The following NEK11 variants were observed in gnomAD, a reference collection of about 807,000 sequenced individuals.
NEK11 encodes the protein serine/threonine-protein kinase Nek11.
NEK11 carries 72 observed loss-of-function variants against 80.7 expected under a neutral mutation model. That is an observed-to-expected ratio of 0.89 (90% confidence interval 0.74 to 1.08). NEK11 has a LOEUF of 1.08. Among genes scored for constraint, NEK11 ranks in the 50% least tolerant of loss-of-function variants. The pLI is 0.00. For synonymous variants in NEK11, 251 were observed against 260.7 expected (o/e 0.96, Z 0.36); for missense variants, 764 against 763.6 (o/e 1.00, Z -0.01).
intron 14 of NEK11, among the ~76,000 whole-genome samples, chr3:131,177,647 C>T: frequency 6.6e-6 from 1 of 152,184 alleles, no homozygotes; most frequent in East Asian, 1.9e-4. Context: ...TAGAACATAT[C>T]CTATGCTGCC....
intron 14 of NEK11, among the ~76,000 whole-genome samples, chr3:131,193,232 G>A (rs1029128348): frequency 1.3e-5 from 2 of 152,064 alleles, no homozygotes; most frequent in Non-Finnish European, 2.9e-5. Flanking sequence ...AGAAGGCAGT[G>A]GTAGTCTCAT....
At chr3:131,266,553 A>G (rs994854122) in intron 16 of NEK11, among the ~76,000 whole-genome samples, 1 of 152,188 alleles carries the variant, frequency 6.6e-6, no homozygotes, top group Non-Finnish European at 1.5e-5. Flanking sequence ...AATTGATTGC[A>G]CTGTGGTCTG....
At chr3:131,168,608 G>A (rs1305856052) in intron 12 of NEK11, among the ~76,000 whole-genome samples, 8 of 151,766 alleles carry the variant, frequency 5.3e-5, no homozygotes, top group African/African-American at 1.9e-4. Context: ...CGCCCGCCTC[G>A]GCCTCCCAAA....
At chr3:131,240,917 C>T (rs1196144685) in intron 15 of NEK11, among the ~76,000 whole-genome samples, 1 of 152,126 alleles carries the variant, frequency 6.6e-6, no homozygotes, top group East Asian at 1.9e-4. Context: ...TGACTTTCTC[C>T]TTTGAGATTG....
intron 17 of NEK11, among the ~76,000 whole-genome samples, chr3:131,326,969 G>T (rs573481409): frequency 6.6e-6 from 1 of 152,250 alleles, no homozygotes; most frequent in African/African-American, 2.4e-5. Flanking sequence ...GCCCGTCTAA[G>T]CTTTCTTCCC....
chr3:131,048,684 G>T (rs1356291832), intron 3 of NEK11, among the ~76,000 whole-genome samples: 1 of 152,194 alleles, frequency 6.6e-6, no homozygotes, highest in Non-Finnish European at 1.5e-5. Flanking sequence ...CAAAGGATCT[G>T]TGGATCCTCT....
chr3:131,035,540 C>T (rs761567335), intron 3 of NEK11, among the ~76,000 whole-genome samples: 1 of 152,162 alleles, frequency 6.6e-6, no homozygotes, highest in East Asian at 1.9e-4. Flanking sequence ...CAGCCACCAC[C>T]CTGGGGTCCA....
At chr3:131,332,676 A>G (rs1414255401) in intron 17 of NEK11, among the ~76,000 whole-genome samples, 1 of 152,162 alleles carries the variant, frequency 6.6e-6, no homozygotes, top group Non-Finnish European at 1.5e-5. Flanking sequence ...TCCGAGCTAC[A>G]GGAGGAAATT....
chr3:131,163,392 T>C (rs1037964809), intron 11 of NEK11, among the ~76,000 whole-genome samples: 1 of 152,132 alleles, frequency 6.6e-6, no homozygotes, highest in Non-Finnish European at 1.5e-5. Context: ...ATACACACAA[T>C]GGAGTACTAT....
In NEK11 at chr3:131,028,450, A is replaced by G. The variant is rs546267661; in HGVS notation, c.-97+448A>G. Among the ~76,000 whole-genome samples, 11 of 152,362 alleles carry G rather than the reference A, an allele frequency of 7.2e-5. No homozygotes were observed. In the South Asian group the frequency reaches 2.3e-3, roughly 32 times the overall value. On this transcript the variant is annotated intron_variant, in intron 2 of 17. Transcript: ENST00000383366. ...GTTATTTCTATATAGATTTAAAACA[A>G]AAGCACACTTTTCTTGATAACTAAC...
intron 5 of NEK11, among the ~76,000 whole-genome samples, chr3:131,122,587 G>T (rs1313040683): frequency 6.6e-6 from 1 of 152,234 alleles, no homozygotes; most frequent in East Asian, 1.9e-4. Flanking sequence ...GGAGCCATTG[G>T]CTGTGCCAGC....
At chr3:131,145,888 G>A (rs1579061184) in intron 7 of NEK11, among the ~76,000 whole-genome samples, 1 of 152,058 alleles carries the variant, frequency 6.6e-6, no homozygotes, top group Admixed American at 6.6e-5. Flanking sequence ...GTTAAAATAT[G>A]AAAGGAACAT....
intron 16 of NEK11, among the ~76,000 whole-genome samples, chr3:131,251,212 A>AAC (rs1394175916): frequency 6.6e-6 from 1 of 151,870 alleles, no homozygotes; most frequent in African/African-American, 2.4e-5. Context: ...AAAAAAAAAA[A>AAC]AAACAAGTTA....
chr3:131,052,395 A>G (rs2068583705), intron 3 of NEK11, among the ~76,000 whole-genome samples: 1 of 152,176 alleles, frequency 6.6e-6, no homozygotes. Context: ...TTCTTGCATG[A>G]ATTTTTAAGA....
At chr3:131,036,160 A>G (rs2065611966) in intron 3 of NEK11, among the ~76,000 whole-genome samples, 1 of 152,242 alleles carries the variant, frequency 6.6e-6, no homozygotes, top group Non-Finnish European at 1.5e-5. Flanking sequence ...AGGAGACTTC[A>G]CTTTTCACTG....
At chr3:131,043,425 A>G (rs2066850888) in intron 3 of NEK11, among the ~76,000 whole-genome samples, 1 of 152,226 alleles carries the variant, frequency 6.6e-6, no homozygotes, top group Non-Finnish European at 1.5e-5. Context: ...AAATGATGTG[A>G]TGGAGCTGAA....
intron 10 of NEK11, among the ~76,000 whole-genome samples, chr3:131,156,031 G>T (rs187695979): frequency 6.6e-6 from 1 of 152,164 alleles, no homozygotes; most frequent in Non-Finnish European, 1.5e-5. Flanking sequence ...AACTAGAGAT[G>T]TAAGAGTAGT....
intron 14 of NEK11, among the ~76,000 whole-genome samples, chr3:131,188,872 G>C (rs893856782): frequency 6.6e-6 from 1 of 152,034 alleles, no homozygotes; most frequent in African/African-American, 2.4e-5. Flanking sequence ...AGATATGTCT[G>C]CTTGGAACCT....
intron 17 of NEK11, among the ~76,000 whole-genome samples, chr3:131,304,744 G>T (rs2096704755): frequency 6.6e-6 from 1 of 152,148 alleles, no homozygotes; most frequent in South Asian, 2.1e-4. Flanking sequence ...GCTGCACTAG[G>T]GGGGTGTTGA....
Sources: allele counts gnomAD v4.1 joint callset (sites outside exome capture counted in the v4.1 genomes callset), GRCh38; gene constraint gnomAD v4.1.1; transcripts MANE v1.5; gene names NCBI Gene and HGNC (gene_info 2026-07-23, HGNC 2026-07-21).